Variants in CLSTN2 observed in about 807,000 individuals in gnomAD.
CLSTN2 encodes the protein calsyntenin 2, also known as calsyntenin-2.
Under a neutral mutation model 101.2 loss-of-function variants are expected in CLSTN2, and 48 were observed. The ratio of observed to expected loss-of-function variants is 0.47; its 90% CI spans 0.38 to 0.60. The LOEUF is 0.60. Ranked by LOEUF, CLSTN2 falls within the 20% of genes least tolerant of loss-of-function variation. The probability of loss-of-function intolerance (pLI) is 0.00; values close to 1 mark genes in which losing one functional copy is unlikely to be tolerated. For synonymous variants in CLSTN2, 481 were observed against 463.6 expected (o/e 1.04, Z -0.48); for missense variants, 1,160 against 1,238.2 (o/e 0.94, Z 0.95).
At chr3:139,984,702 A>G (rs767072471) in intron 1 of CLSTN2, among the ~76,000 whole-genome samples, 1 of 152,088 alleles carries the variant, frequency 6.6e-6, no homozygotes, top group Non-Finnish European at 1.5e-5. Flanking sequence ...CTCTGCTTAC[A>G]TGACTCCCTA....
At chr3:140,383,572 G>T (rs1244216731) in intron 2 of CLSTN2, among the ~76,000 whole-genome samples, 3 of 152,138 alleles carry the variant, frequency 2.0e-5, no homozygotes, top group Non-Finnish European at 4.4e-5. Flanking sequence ...TTTTTCTGAG[G>T]TATACAGAAT....
intron 2 of CLSTN2, among the ~76,000 whole-genome samples, chr3:140,245,048 CAG>C (rs963048076): frequency 6.6e-6 from 1 of 152,154 alleles, no homozygotes; most frequent in Non-Finnish European, 1.5e-5. Context: ...GCCTCTTCTT[CAG>C]AGAGTCTTGA....
chr3:140,317,537 A>G (rs2087241313), intron 2 of CLSTN2, among the ~76,000 whole-genome samples: 1 of 152,172 alleles, frequency 6.6e-6, no homozygotes, highest in East Asian at 1.9e-4. Flanking sequence ...TGTGAGACCC[A>G]TAAGTGACCA....
intron 2 of CLSTN2, among the ~76,000 whole-genome samples, chr3:140,318,261 G>GAGAC (rs1165914401): frequency 3.3e-5 from 5 of 152,154 alleles, no homozygotes; most frequent in Non-Finnish European, 4.4e-5. Flanking sequence ...CCAAGGCCAT[G>GAGAC]AGACACAGGG....
At chr3:139,949,117 C>T (rs1576373267) in intron 1 of CLSTN2, among the ~76,000 whole-genome samples, 1 of 152,196 alleles carries the variant, frequency 6.6e-6, no homozygotes, top group African/African-American at 2.4e-5. Context: ...CTGGGAATCC[C>T]CTGGGGCACT....
chr3:140,291,941 A>G (rs1168004645), intron 2 of CLSTN2, among the ~76,000 whole-genome samples: 1 of 152,042 alleles, frequency 6.6e-6, no homozygotes, highest in Non-Finnish European at 1.5e-5. Context: ...CTGGAGGACC[A>G]CATGAGCCTC....
intron 2 of CLSTN2, among the ~76,000 whole-genome samples, chr3:140,204,414 G>A (rs1179457933): frequency 6.6e-6 from 1 of 152,172 alleles, no homozygotes; most frequent in African/African-American, 2.4e-5. Flanking sequence ...GTTTATCACA[G>A]TACCTACCCC....
intron 1 of CLSTN2, among the ~76,000 whole-genome samples, chr3:139,986,681 A>G (rs1936026493): frequency 6.6e-6 from 1 of 152,158 alleles, no homozygotes; most frequent in African/African-American, 2.4e-5. Context: ...TCATTGTGGC[A>G]TTGCACATTC....
chr3:140,061,709 G>A (rs925353001), intron 1 of CLSTN2, among the ~76,000 whole-genome samples: 1 of 152,154 alleles, frequency 6.6e-6, no homozygotes. Context: ...GTTTACCCAG[G>A]GCAGGACACA....
chr3:140,498,960 G>GTT (rs532312992), intron 8 of CLSTN2, among the ~76,000 whole-genome samples: 84 of 139,020 alleles, frequency 6.0e-4, no homozygotes, highest in African/African-American at 2.1e-3. Flanking sequence ...GCACTTGAAT[G>GTT]TTTTTTTTTT....
At chr3:140,303,103 C>T (rs971235730) in intron 2 of CLSTN2, among the ~76,000 whole-genome samples, 1 of 152,194 alleles carries the variant, frequency 6.6e-6, no homozygotes, top group African/African-American at 2.4e-5. Context: ...AAACCTAAGG[C>T]ATTCTGGGAT....
intron 8 of CLSTN2, among the ~76,000 whole-genome samples, chr3:140,477,080 A>G (rs906680306): frequency 6.6e-6 from 1 of 152,148 alleles, no homozygotes; most frequent in Non-Finnish European, 1.5e-5. Flanking sequence ...TACTCCTTTG[A>G]GGAAGTCTTA....
intron 1 of CLSTN2, among the ~76,000 whole-genome samples, chr3:140,164,460 T>C (rs1007031523): frequency 6.6e-6 from 1 of 152,120 alleles, no homozygotes; most frequent in African/African-American, 2.4e-5. Context: ...TTTATCTTCC[T>C]CTCAAAAACC....
intron 2 of CLSTN2, among the ~76,000 whole-genome samples, chr3:140,403,000 A>C (rs1291247204): frequency 6.6e-6 from 1 of 152,242 alleles, no homozygotes; most frequent in East Asian, 1.9e-4. Flanking sequence ...CAGGTCTTGC[A>C]TGCAGTTGGG....
At chr3:140,433,250 G>T (rs1205515000) in intron 5 of CLSTN2, among the ~76,000 whole-genome samples, 1 of 152,100 alleles carries the variant, frequency 6.6e-6, no homozygotes, top group East Asian at 1.9e-4. Flanking sequence ...AGGTGGGAGG[G>T]GTATCACTCT....
chr3:140,182,483 A>T (rs1464674790), intron 2 of CLSTN2, among the ~76,000 whole-genome samples: 1 of 152,116 alleles, frequency 6.6e-6, no homozygotes, highest in Non-Finnish European at 1.5e-5. Flanking sequence ...GTCCTGCCCC[A>T]CAGCTCTCTG....
intron 4 of CLSTN2, among the ~76,000 whole-genome samples, chr3:140,419,034 T>TAA (rs150492676): frequency 0.065 from 9,800 of 150,880 alleles, 1,056 homozygotes; most frequent in African/African-American, 0.22. Flanking sequence ...GACCTTTTTT[T>TAA]AAAAAAAAAA....
rs747123030 is a variant in CLSTN2, at chr3:140,558,834, C to G, written c.2018C>G (p.Ala673Gly). 6.2e-7 allele frequency: 1 copy of G among 1,613,756 alleles called. No homozygotes were observed. Among genetic ancestry groups the G allele is most frequent in the South Asian group, 1.1e-5 (1 of 91,042 alleles). ...GTGAGCACCTTCGCCAAAACCGAAG[C>G]CCCCGGGGACGTGAAAACCACAGGT... ...KIVSTFAKTE[A>G]PGDVKTTDPK... The change falls in exon 12 of 17, where the codon GCC (alanine) becomes GGC (glycine). Residue 673 changes from alanine to glycine, a missense_variant. Transcript: ENST00000458420.
At chr3:140,530,222 T>G (rs1479725127) in intron 8 of CLSTN2, among the ~76,000 whole-genome samples, 1 of 152,226 alleles carries the variant, frequency 6.6e-6, no homozygotes, top group African/African-American at 2.4e-5. Context: ...CTACTTAAAA[T>G]GAAATTTTTA....
Sources: allele counts gnomAD v4.1 joint callset (sites outside exome capture counted in the v4.1 genomes callset), GRCh38; gene constraint gnomAD v4.1.1; transcripts MANE v1.5; gene names NCBI Gene and HGNC (gene_info 2026-07-23, HGNC 2026-07-21).